Variants in NUFIP1 observed in about 807,000 individuals in gnomAD.
The protein encoded by NUFIP1 is FMR1-interacting protein NUFIP1.
NUFIP1 carries 38 observed loss-of-function variants against 56.2 expected under a neutral mutation model. That is an observed-to-expected ratio of 0.68 (90% CI 0.52 to 0.89). The LOEUF (loss-of-function observed/expected upper bound fraction) is 0.89. NUFIP1 is among the 40% of genes least tolerant of loss of function. The pLI is 0.00. For synonymous variants in NUFIP1, 215 were observed against 212.4 expected (o/e 1.01, Z -0.10); for missense variants, 567 against 605.8 (o/e 0.94, Z 0.67).
intron 2 of NUFIP1, 141 bp downstream of exon 2, chr13:44,981,931 C>CATAAAA (rs1555252760): frequency 3.0e-5 from 12 of 395,468 alleles, no homozygotes; most frequent in Non-Finnish European, 4.5e-5. Context: ...TCATGTTTAA[C>CATAAAA]CATAAAATTC....
At chr13:44,967,813 G>A (rs1027674608) in intron 5 of NUFIP1, among the ~76,000 whole-genome samples, 1 of 152,090 alleles carries the variant, frequency 6.6e-6, no homozygotes, top group African/African-American at 2.4e-5. Flanking sequence ...CAGGAAGAGG[G>A]CAATAGATTC....
chr13:44,981,501 C>G (rs192251563), intron 2 of NUFIP1, among the ~76,000 whole-genome samples: 31 of 152,286 alleles, frequency 2.0e-4, no homozygotes, highest in Non-Finnish European at 3.8e-4. Context: ...GCACCTCTAA[C>G]TGTTGCGTTG....
intron 2 of NUFIP1, among the ~76,000 whole-genome samples, chr13:44,981,605 G>A (rs1872193054): frequency 6.6e-6 from 1 of 152,134 alleles, no homozygotes; most frequent in African/African-American, 2.4e-5. Flanking sequence ...GAGGTCAGGA[G>A]TTCGAGACCA....
At chr13:44,985,335 C>CT (rs34141615) in intron 1 of NUFIP1, among the ~76,000 whole-genome samples, 2,055 of 152,298 alleles carry the variant, frequency 0.013, 58 homozygotes, top group African/African-American at 0.046. Context: ...GGCAAAAAAA[C>CT]TTTAAATTAT....
rs905118046 is a variant in NUFIP1 at position 44,957,222 on chromosome 13, C to A, written c.1021+2159G>T. Among the ~76,000 whole-genome samples, 4 of 151,628 alleles carry A rather than the reference C, an allele frequency of 2.6e-5. No individual in the cohort carries two copies. The East Asian group carries it at 7.7e-4, about 29-fold the overall frequency. ...TATTTGAGATTTCTCTTTCTTTTTT[C>A]TTTTTTGAGACCGAGTTTTGCTCTT... is the stretch of plus-strand genomic sequence containing the variant. On this transcript the variant is annotated intron_variant, in intron 7 of 9. Transcript: ENST00000379161.
At chr13:44,966,032 A>AC in intron 5 of NUFIP1, 96 bp from the exon 6 acceptor site, 1 of 540,770 alleles carries the variant, frequency 1.8e-6, no homozygotes, top group South Asian at 3.9e-5. Flanking sequence ...TTTGTTTAAC[A>AC]CCTAACACAG....
At chr13:44,943,003 GGGAA>G (rs1248162212) in intron 9 of NUFIP1, among the ~76,000 whole-genome samples, 2 of 151,530 alleles carry the variant, frequency 1.3e-5, no homozygotes, top group Non-Finnish European at 2.9e-5. Context: ...GGAGGAGGGA[GGGAA>G]GGAAGACAAT....
At chr13:44,952,908 T>A (rs370442074) in intron 7 of NUFIP1, among the ~76,000 whole-genome samples, 1 of 152,212 alleles carries the variant, frequency 6.6e-6, no homozygotes, top group Non-Finnish European at 1.5e-5. Flanking sequence ...CTTGATACTT[T>A]GAAGATTATT....
At chr13:44,981,921 T>TCGTGTTTAACATAAAACATAAAA (rs1555252758) in intron 2 of NUFIP1, 151 bp downstream of exon 2, 2 of 379,576 alleles carry the variant, frequency 5.3e-6, no homozygotes, top group East Asian at 7.7e-5. Context: ...TTTGCTATAT[T>TCGTGTTTAACATAAAACATAAAA]CATGTTTAAC....
At chr13:44,986,450 G>A (rs915186259) in intron 1 of NUFIP1, among the ~76,000 whole-genome samples, 1 of 152,034 alleles carries the variant, frequency 6.6e-6, no homozygotes, top group South Asian at 2.1e-4. Flanking sequence ...CCAACACTTT[G>A]GGAGGCTGAG....
At chr13:44,981,388 A>C (rs1473779326) in intron 2 of NUFIP1, among the ~76,000 whole-genome samples, 1 of 152,164 alleles carries the variant, frequency 6.6e-6, no homozygotes, top group Non-Finnish European at 1.5e-5. Flanking sequence ...TTTCATTTCT[A>C]TACTAACCGA....
chr13:44,943,370 A>C, intron 9 of NUFIP1, 72 bp downstream of exon 9: 2 of 1,286,550 alleles, frequency 1.6e-6, no homozygotes, highest in Non-Finnish European at 2.2e-6. Context: ...ACACACACAC[A>C]CACACACCCC....
At chr13:44,966,055 C>T (rs1014658345) in intron 5 of NUFIP1, 119 bp from the exon 6 acceptor site, 3 of 445,580 alleles carry the variant, frequency 6.7e-6, no homozygotes, top group South Asian at 6.1e-5. Flanking sequence ...AATTATAAAC[C>T]TTTAACTGCT....
intron 7 of NUFIP1, among the ~76,000 whole-genome samples, chr13:44,958,252 G>C (rs372276707): frequency 2.4e-4 from 37 of 152,242 alleles, no homozygotes; most frequent in Admixed American, 9.2e-4. Flanking sequence ...TTAGGTTGAT[G>C]CAAAAGTAAC....
chr13:44,946,731 G>A (rs1414517513), intron 8 of NUFIP1, among the ~76,000 whole-genome samples: 2 of 152,124 alleles, frequency 1.3e-5, no homozygotes, highest in Non-Finnish European at 2.9e-5. Flanking sequence ...GTTAAACTCA[G>A]GAAGAAACAG....
intron 7 of NUFIP1, among the ~76,000 whole-genome samples, chr13:44,956,982 T>A (rs1273078276): frequency 6.6e-6 from 1 of 152,186 alleles, no homozygotes; most frequent in Non-Finnish European, 1.5e-5. Flanking sequence ...TAAGCTACCA[T>A]AATTTGATCA....
At chr13:44,974,548 ATT>A (rs895856175) in intron 5 of NUFIP1, among the ~76,000 whole-genome samples, 3 of 152,010 alleles carry the variant, frequency 2.0e-5, no homozygotes, top group Non-Finnish European at 4.4e-5. Context: ...GGCACTGGAA[ATT>A]TGTTTTGTTT....
At chr13:44,945,931 G>C (rs184512541) in intron 8 of NUFIP1, among the ~76,000 whole-genome samples, 1 of 152,156 alleles carries the variant, frequency 6.6e-6, no homozygotes, top group Admixed American at 6.5e-5. Flanking sequence ...AATTATATTT[G>C]AAAAGAAGTA....
At chr13:44,965,571 G>A (rs1871569568) in intron 6 of NUFIP1, among the ~76,000 whole-genome samples, 1 of 152,164 alleles carries the variant, frequency 6.6e-6, no homozygotes, top group South Asian at 2.1e-4. Flanking sequence ...GCGCACGCCT[G>A]TAGTCCCAGC....
Sources: gnomAD v4.1 joint callset for allele counts (sites outside exome capture counted in the v4.1 genomes callset) on GRCh38, gnomAD v4.1.1 for gene constraint, MANE v1.5 for transcripts, NCBI Gene and HGNC (gene_info 2026-07-23, HGNC 2026-07-21) for gene names.